Variants in AGAP1 observed in about 807,000 individuals in gnomAD.
AGAP1 encodes ArfGAP with GTPase domain, ankyrin repeat and PH domain 1.
In AGAP1, 29 loss-of-function variants were observed where a neutral mutation model predicts 105.3. The observed-to-expected ratio is 0.28, with a 90% CI of 0.21 to 0.38. The LOEUF is 0.38. Ranked by LOEUF, AGAP1 falls within the 10% of genes least tolerant of loss-of-function variation. The pLI is 1.00. For missense variants in AGAP1, 998 were observed against 1,165.1 expected, an observed-to-expected ratio of 0.86 and a Z score of 2.09; for synonymous variants, 509 against 485.9, an observed-to-expected ratio of 1.05 and a Z score of -0.63.
rs751214020 is a variant in AGAP1 at position 235,879,415 on chromosome 2, A to T, written c.1051-3930A>T. Among the ~76,000 whole-genome samples, 68 of 152,324 alleles carry T rather than the reference A, an allele frequency of 4.5e-4. No homozygotes were observed. Among genetic ancestry groups the T allele is most frequent in the Non-Finnish European group, 7.5e-4 (51 of 68,026 alleles). On this transcript the variant is annotated intron_variant, in intron 9 of 17. Coordinates refer to ENST00000304032, the MANE Select transcript of AGAP1 (RefSeq NM_001037131.3). The surrounding 1 kb of genome is among the most constrained non-coding windows in gnomAD (Gnocchi z 5.0). ...GGGGCCAAGGCTGGAAGGCAGAAATATGACTCCTAAGAGGCCAGGGTATTC... is the reference window on the plus strand; with the variant it reads ...GGGGCCAAGGCTGGAAGGCAGAAATTTGACTCCTAAGAGGCCAGGGTATTC...
At chr2:235,652,663 G>A (rs1364265145) in intron 1 of AGAP1, among the ~76,000 whole-genome samples, 5 of 152,078 alleles carry the variant, frequency 3.3e-5, no homozygotes, top group South Asian at 2.1e-4. Context: ...AGGCCCAGGC[G>A]GGTGGATCAC....
At chr2:235,915,525 A>G (rs1331445224) in intron 11 of AGAP1, among the ~76,000 whole-genome samples, 1 of 152,036 alleles carries the variant, frequency 6.6e-6, no homozygotes, top group Non-Finnish European at 1.5e-5. Flanking sequence ...CAAAAAATGC[A>G]AAAATTTAGC....
rs557747497 is a variant in AGAP1, at chr2:235,660,444, G to A, written c.164-48735G>A. Among the ~76,000 whole-genome samples the A allele has an allele frequency of 7.2e-4, 109 of 152,314 alleles. 1 individual carries two copies. The highest frequency in any genetic ancestry group is 1.2e-3 in the Non-Finnish European group (79 of 68,032). ...CATTGATAAGGGCTTGAGGGTGAGA[G>A]AAGTTGTCCTTAACTGAAGGAGGGG... On this transcript the variant is annotated intron_variant, in intron 1 of 17. Coordinates refer to ENST00000304032, the MANE Select transcript of AGAP1 (RefSeq NM_001037131.3). The surrounding 1 kb of genome is among the most constrained non-coding windows in gnomAD (Gnocchi z 5.3).
intron 1 of AGAP1, among the ~76,000 whole-genome samples, chr2:235,677,592 C>G (rs1307445247): frequency 6.6e-6 from 1 of 152,058 alleles, no homozygotes; most frequent in Non-Finnish European, 1.5e-5. Context: ...CAGGAATGCT[C>G]CTTTATTCTC....
chr2:235,939,459 G>A (rs1185639652), intron 12 of AGAP1, among the ~76,000 whole-genome samples: 1 of 151,916 alleles, frequency 6.6e-6, no homozygotes, highest in Admixed American at 6.6e-5. Context: ...CCCAGGTATT[G>A]GATCACTCCC....
intron 9 of AGAP1, among the ~76,000 whole-genome samples, chr2:235,861,306 A>C (rs2048919159): frequency 6.6e-6 from 1 of 152,174 alleles, no homozygotes; most frequent in Non-Finnish European, 1.5e-5. Flanking sequence ...CTTGGGAGTG[A>C]AATAAGGTGT....
intron 6 of AGAP1, among the ~76,000 whole-genome samples, chr2:235,767,534 A>G (rs1186914682): frequency 6.6e-6 from 1 of 152,214 alleles, no homozygotes; most frequent in Admixed American, 6.5e-5. Flanking sequence ...CCTCAAAGGC[A>G]AAGTCAGACT....
intron 1 of AGAP1, among the ~76,000 whole-genome samples, chr2:235,506,129 C>T (rs940775406): frequency 2.6e-5 from 4 of 152,022 alleles, no homozygotes; most frequent in Non-Finnish European, 5.9e-5. Flanking sequence ...TAGGGTTTCA[C>T]CACGTTGGCC....
chr2:235,955,829 T>C (rs115246040), intron 12 of AGAP1, among the ~76,000 whole-genome samples: 3,391 of 152,208 alleles, frequency 0.022, 135 homozygotes, highest in African/African-American at 0.077. Flanking sequence ...TGCTGTACCT[T>C]GAGCGGAGTG....
rs1945113105 is a variant in AGAP1 at position 235,586,388 on chromosome 2, G to A, written c.163+91539G>A. ...GTGTGGAGTTGGGAAAGAGACGGAT[G>A]TTGAGCCTGAAGAGGCTGTGACCTC... On this transcript the variant is annotated intron_variant, in intron 1 of 17. Coordinates refer to ENST00000304032, the MANE Select transcript of AGAP1 (RefSeq NM_001037131.3). This position sits in a 1 kb window ranked among gnomAD's most constrained non-coding sequence, Gnocchi z 4.2. 6.6e-6 allele frequency among the ~76,000 whole-genome samples: 1 copy of A among 152,234 alleles called. No homozygotes were observed. The highest frequency in any genetic ancestry group is 2.1e-4 in the South Asian group (1 of 4,830).
At chr2:235,515,889 G>C (rs536203143) in intron 1 of AGAP1, among the ~76,000 whole-genome samples, 1 of 152,272 alleles carries the variant, frequency 6.6e-6, no homozygotes, top group Admixed American at 6.5e-5. Flanking sequence ...GATATTTAAG[G>C]GGGTGAGGGG....
chr2:235,608,553 C>T lies in AGAP1; in HGVS notation c.164-100626C>T, dbSNP rs1691236258. Among the ~76,000 whole-genome samples the T allele has an allele frequency of 2.0e-5, 3 of 152,158 alleles. No homozygotes were observed. The highest frequency in any genetic ancestry group is 2.9e-5 in the Non-Finnish European group (2 of 68,038). On this transcript the variant is annotated intron_variant, in intron 1 of 17. Coordinates refer to ENST00000304032, the MANE Select transcript of AGAP1 (RefSeq NM_001037131.3). The surrounding 1 kb of genome is among the most constrained non-coding windows in gnomAD (Gnocchi z 5.4). ...CTCTGCCTCTCCCAGTGAGACCAAC[C>T]CTGCCCTCTGGACGGATGGAAGGAC...
chr2:235,683,566 G>A (rs764207883), intron 1 of AGAP1, among the ~76,000 whole-genome samples: 4 of 151,496 alleles, frequency 2.6e-5, no homozygotes, highest in Non-Finnish European at 2.9e-5. Context: ...TGTGCTAAAT[G>A]TAAGTTTGTA....
intron 11 of AGAP1, among the ~76,000 whole-genome samples, chr2:235,911,281 A>G (rs1335404568): frequency 6.6e-6 from 1 of 152,160 alleles, no homozygotes; most frequent in Non-Finnish European, 1.5e-5. Context: ...AAAGACAAGT[A>G]GATGGAGGCC....
rs965112033 is a variant in AGAP1, at chr2:235,635,598, C to G, written c.164-73581C>G. Among the ~76,000 whole-genome samples, 1 of 151,892 alleles carries G rather than the reference C, an allele frequency of 6.6e-6. No homozygotes were observed. The highest frequency in any genetic ancestry group is 6.6e-5 in the Admixed American group (1 of 15,232). On this transcript the variant is annotated intron_variant, in intron 1 of 17. Transcript: ENST00000304032. This position sits in a 1 kb window ranked among gnomAD's most constrained non-coding sequence, Gnocchi z 5.3. The stretch of plus-strand genomic sequence containing the variant: ...CGCACTTTGGTTTTCTTTTGGAAAC[C>G]TAGAGCAACCTACTAGATCAATGAG...
intron 1 of AGAP1, among the ~76,000 whole-genome samples, chr2:235,683,166 A>G (rs113549843): frequency 0.05 from 7,622 of 152,072 alleles, 581 homozygotes; most frequent in African/African-American, 0.17. Flanking sequence ...AATTAGCTGG[A>G]CATGGTGGCA....
In AGAP1 at chr2:235,732,958, C is replaced by G. The variant is rs780752523; in HGVS notation, c.311-8005C>G. On this transcript the variant is annotated intron_variant, in intron 3 of 17. Transcript: ENST00000304032. This position sits in a 1 kb window ranked among gnomAD's most constrained non-coding sequence, Gnocchi z 4.8. ...CATCTTTCGAGTCTCACTGCCCACG[C>G]TGTGGGAGCTGAGACTGGATGCTGT... Among the ~76,000 whole-genome samples the G allele has an allele frequency of 2.6e-5, 4 of 152,176 alleles. No homozygotes were observed. Among genetic ancestry groups the G allele is most frequent in the Non-Finnish European group, 5.9e-5 (4 of 68,020 alleles).
chr2:236,069,997 C>T (rs1360785459), intron 16 of AGAP1, among the ~76,000 whole-genome samples: 9 of 152,252 alleles, frequency 5.9e-5, no homozygotes, highest in East Asian at 5.8e-4. Flanking sequence ...CCCAGTGTGA[C>T]AGTGGTGGCT....
Position 235,960,455 on chromosome 2 carries a change from C to G in AGAP1, c.1484-8007C>G, listed in dbSNP as rs942829222. Among the ~76,000 whole-genome samples, 1 of 152,188 alleles carries G rather than the reference C, an allele frequency of 6.6e-6. No individual in the cohort carries two copies. Among genetic ancestry groups the G allele is most frequent in the African/African-American group, 2.4e-5 (1 of 41,454 alleles). On this transcript the variant is annotated intron_variant, in intron 12 of 17. Transcript: ENST00000304032. This position sits in a 1 kb window ranked among gnomAD's most constrained non-coding sequence, Gnocchi z 4.9. ...TCCCGGTGCAATGACACCTTCATCT[C>G]CCTGTTGGTCCCATTCTCTGGGGTG...
Sources: allele counts gnomAD v4.1 joint callset (sites outside exome capture counted in the v4.1 genomes callset), GRCh38; gene constraint gnomAD v4.1.1; non-coding constraint Gnocchi (gnomAD v3.1); transcripts MANE v1.5; gene names NCBI Gene and HGNC (gene_info 2026-07-23, HGNC 2026-07-21).